ARFGEF1: variants seen among roughly 807,000 people sequenced by gnomAD.
ARFGEF1 encodes ARF guanine nucleotide exchange factor 1, also known as brefeldin A-inhibited guanine nucleotide-exchange protein 1.
In ARFGEF1, 42 loss-of-function variants were observed where a neutral mutation model predicts 231.0. The observed-to-expected ratio is 0.18, with a 90% CI of 0.14 to 0.24. ARFGEF1 has a LOEUF of 0.24. Ranked by LOEUF, ARFGEF1 falls within the 10% of genes least tolerant of loss-of-function variation. ARFGEF1 has a pLI of 1.00. For synonymous variants in ARFGEF1, 710 were observed against 732.3 expected (o/e 0.97, Z 0.49); for missense variants, 1,345 against 2,192.0 (o/e 0.61, Z 7.72).
intron 32 of ARFGEF1, among the ~76,000 whole-genome samples, chr8:67,217,239 G>A (rs1232293545): frequency 6.6e-6 from 1 of 151,410 alleles, no homozygotes; most frequent in African/African-American, 2.4e-5. Flanking sequence ...AAGAGGCGGA[G>A]GTTGTGGTGA....
chr8:67,216,709 T>C (rs1230447869), intron 32 of ARFGEF1, 47 bp from the exon 33 acceptor site: 2 of 1,449,118 alleles, frequency 1.4e-6, no homozygotes, highest in South Asian at 1.3e-5. Context: ...CTGTGCCACA[T>C]GCCACATCCA....
intron 7 of ARFGEF1, among the ~76,000 whole-genome samples, chr8:67,278,362 CA>C (rs1319468531): frequency 1.3e-5 from 2 of 151,990 alleles, no homozygotes; most frequent in African/African-American, 2.4e-5. Flanking sequence ...GAGGAACCAC[CA>C]AAACACACAT....
At chr8:67,211,792 T>C (rs1225015102) in intron 33 of ARFGEF1, among the ~76,000 whole-genome samples, 177 bp from the exon 34 acceptor site, 2 of 152,218 alleles carry the variant, frequency 1.3e-5, no homozygotes, top group South Asian at 2.1e-4. Flanking sequence ...TAGAGAAAAG[T>C]TGACTTTCTG....
intron 11 of ARFGEF1, 56 bp downstream of exon 11, chr8:67,267,287 G>A: frequency 1.3e-6 from 2 of 1,591,880 alleles, no homozygotes; most frequent in Non-Finnish European, 1.7e-6. Context: ...AGTACATTTG[G>A]CCTTTTAAAT....
intron 14 of ARFGEF1, among the ~76,000 whole-genome samples, chr8:67,261,942 A>C (rs1372041057): frequency 6.6e-6 from 1 of 151,160 alleles, no homozygotes; most frequent in Non-Finnish European, 1.5e-5. Flanking sequence ...GGCATAAGCT[A>C]CCATGCCAGG....
Position 67,288,064 on chromosome 8 carries a change from T to C in ARFGEF1, c.918A>G (p.Thr306=), listed in dbSNP as rs1282106617. Residue 306 remains threonine, a splice_region_variant and synonymous_variant, in exon 7 of 39, where the codon ACA becomes ACG. Transcript: ENST00000262215. ...TEADQATAAE[T]LSKNEVLYDG... ...CATATAACACTTCATTTTTAGATAA[T>C]GCTTTAAAAGAAGAAAAATTCAACA... is the stretch of plus-strand genomic sequence containing the variant. The C allele has an allele frequency of 3.2e-6, 5 of 1,577,294 alleles. No homozygotes were observed. The highest frequency in any genetic ancestry group is 2.6e-6 in the Non-Finnish European group (3 of 1,164,832).
intron 7 of ARFGEF1, among the ~76,000 whole-genome samples, chr8:67,280,984 G>C (rs1805510494): frequency 6.6e-6 from 1 of 151,208 alleles, no homozygotes; most frequent in Admixed American, 6.6e-5. Context: ...AGTGATAAGC[G>C]AAGGAATGTT....
At position 67,311,275 on chromosome 8, in the gene ARFGEF1, C is replaced by T. The variant is rs1807027961; in HGVS notation, c.125-8809G>A. On this transcript the variant is annotated intron_variant, in intron 1 of 38. Coordinates refer to ENST00000262215, the MANE Select transcript of ARFGEF1 (RefSeq NM_006421.5). ...CCCCCGCCCGGCCAGCCGCCCCGTC[C>T]GGGAGGGAGGTGGGGGGGGTCAGCC... is the stretch of plus-strand genomic sequence containing the variant. 1.1e-4 allele frequency among the ~76,000 whole-genome samples: 15 copies of T among 132,536 alleles called. No individual in the cohort carries two copies. In the South Asian group the frequency reaches 1.2e-3, roughly 11 times the overall value. The allele number at this position is 132,536 out of a possible 152,430, so 86.9% of individuals were successfully genotyped here.
In ARFGEF1 at chr8:67,235,102, A is replaced by G. The variant is rs549725230; in HGVS notation, c.3290-2157T>C. Among the ~76,000 whole-genome samples, 499 of 124,590 alleles carry G rather than the reference A, an allele frequency of 4.0e-3. 4 individuals are homozygous for G. Among genetic ancestry groups the G allele is most frequent in the Middle Eastern group, 0.011 (3 of 276 alleles). 81.7% of individuals were successfully genotyped at this position (124,590 alleles called of 152,430 possible). On this transcript the variant is annotated intron_variant, in intron 22 of 38. Coordinates refer to ENST00000262215, the MANE Select transcript of ARFGEF1 (RefSeq NM_006421.5). ...TATATATATGTGTGTGTGTGTGTGT[A>G]TATATATACACACACACACACGTGT...
At chr8:67,215,626 A>G (rs1838900353) in intron 33 of ARFGEF1, among the ~76,000 whole-genome samples, 1 of 152,206 alleles carries the variant, frequency 6.6e-6, no homozygotes, top group Non-Finnish European at 1.5e-5. Context: ...GATTGGAGTG[A>G]TATGTGAACA....
chr8:67,240,122 A>T (rs778001009), intron 20 of ARFGEF1, 40 bp downstream of exon 20: 1 of 1,595,682 alleles, frequency 6.3e-7, no homozygotes, highest in Non-Finnish European at 8.5e-7. Context: ...ATAGGTAATT[A>T]ATGTTCCAAA....
chr8:67,327,633 C>G (rs1807897515), intron 1 of ARFGEF1, among the ~76,000 whole-genome samples: 1 of 152,168 alleles, frequency 6.6e-6, no homozygotes, highest in South Asian at 2.1e-4. Flanking sequence ...TGACATACTT[C>G]TAACCACACC....
chr8:67,271,771 A>C lies in ARFGEF1; in HGVS notation c.1503T>G (p.Phe501Leu). ...KNGVSSVPEVFELSLSIFLTL... is the reference protein window; with the variant it reads ...KNGVSSVPEVLELSLSIFLTL... ...TAAGAAATATAGAAAGAGAAAGCTC[A>C]AAAACCTCTGGAACAGATGAGACTC... The change falls in exon 10 of 39, where the codon TTT becomes TTG. Residue 501 changes from phenylalanine to leucine, a missense_variant. Physicochemically the swap from Phe to Leu is conservative, Grantham distance 22. Transcript: ENST00000262215. The C allele has an allele frequency of 1.2e-6, 2 of 1,613,856 alleles. No individual in the cohort carries two copies.
At chr8:67,255,520 A>C (rs893552068) in intron 17 of ARFGEF1, among the ~76,000 whole-genome samples, 2 of 152,240 alleles carry the variant, frequency 1.3e-5, no homozygotes, top group African/African-American at 4.8e-5. Flanking sequence ...GCTTGTTAAA[A>C]TCCACCTATT....
intron 19 of ARFGEF1, among the ~76,000 whole-genome samples, chr8:67,249,458 G>C (rs1039963115): frequency 1.3e-5 from 2 of 149,894 alleles, no homozygotes; most frequent in African/African-American, 5.0e-5. Context: ...CGTAAGTCGA[G>C]GAGCATACAA....
intron 1 of ARFGEF1, among the ~76,000 whole-genome samples, chr8:67,321,890 A>T (rs1342197473): frequency 6.6e-6 from 1 of 152,228 alleles, no homozygotes; most frequent in East Asian, 1.9e-4. Context: ...CAGAGTGATC[A>T]TGACAAAGAT....
At chr8:67,199,569 G>GT (rs780009366) in intron 38 of ARFGEF1, 6 of 158,132 alleles carry the variant, frequency 3.8e-5, no homozygotes, top group Non-Finnish European at 2.8e-5. Flanking sequence ...TACTTTGGCT[G>GT]TATCTTCACA....
At chr8:67,215,068 T>C (rs143999528) in intron 33 of ARFGEF1, among the ~76,000 whole-genome samples, 111 of 152,276 alleles carry the variant, frequency 7.3e-4, no homozygotes, top group Non-Finnish European at 1.3e-3. Context: ...ATTTCTCCTT[T>C]TTGCAATGAG....
chr8:67,314,036 A>G (rs1335629902), intron 1 of ARFGEF1, among the ~76,000 whole-genome samples: 1 of 152,036 alleles, frequency 6.6e-6, no homozygotes, highest in East Asian at 1.9e-4. Flanking sequence ...CCAGGTTGTC[A>G]GCGAAGTGGG....
Sources: gnomAD v4.1 joint callset for allele counts (sites outside exome capture counted in the v4.1 genomes callset) on GRCh38, gnomAD v4.1.1 for gene constraint, MANE v1.5 for transcripts, NCBI Gene and HGNC (gene_info 2026-07-23, HGNC 2026-07-21) for gene names.